RPS6KA2: variants seen among roughly 807,000 people sequenced by gnomAD.
The protein encoded by RPS6KA2 is ribosomal protein S6 kinase alpha-2.
A neutral mutation model predicts 91.8 loss-of-function variants in RPS6KA2; 42 were observed. That is an observed-to-expected ratio of 0.46 (90% confidence interval 0.36 to 0.59). RPS6KA2 has a LOEUF of 0.59. RPS6KA2 is among the 20% of genes least tolerant of loss of function. RPS6KA2 has a pLI of 0.00. For synonymous variants in RPS6KA2, 414 were observed against 393.6 expected (o/e 1.05, Z -0.61); for missense variants, 798 against 978.5 (o/e 0.82, Z 2.46).
chr6:166,525,447 A>G (rs1022120523), intron 3 of RPS6KA2, among the ~76,000 whole-genome samples: 10 of 151,770 alleles, frequency 6.6e-5, no homozygotes, highest in Non-Finnish European at 1.3e-4. Flanking sequence ...TGAGCAGATG[A>G]CCTCCCTCGG....
In RPS6KA2 at chr6:166,662,536, T is replaced by C. The variant is rs1788190711; in HGVS notation, c.124-123752A>G. ...GAGTCTCTTAGCATTATGAGGGTTA[T>C]TTATGTTATGAACACCAGTTAGTTT... On this transcript the variant is annotated intron_variant, in intron 2 of 21. Transcript: ENST00000503859. The surrounding 1 kb of genome is among the most constrained non-coding windows in gnomAD (Gnocchi z 4.3). 6.6e-6 allele frequency among the ~76,000 whole-genome samples: 1 copy of C among 152,190 alleles called. No homozygotes were observed. The highest frequency in any genetic ancestry group is 1.5e-5 in the Non-Finnish European group (1 of 68,038).
At chr6:166,469,567 C>T (rs1349181445) in intron 11 of RPS6KA2, among the ~76,000 whole-genome samples, 3 of 152,074 alleles carry the variant, frequency 2.0e-5, no homozygotes, top group Admixed American at 6.5e-5. Context: ...ACAGAAGCCT[C>T]GACTCTGATG....
At chr6:166,731,625 G>A (rs1353745715) in intron 2 of RPS6KA2, among the ~76,000 whole-genome samples, 1 of 151,930 alleles carries the variant, frequency 6.6e-6, no homozygotes, top group South Asian at 2.1e-4. Flanking sequence ...CACAGCCCCC[G>A]GCATCTCCTG....
intron 8 of RPS6KA2, among the ~76,000 whole-genome samples, chr6:166,496,534 A>T (rs1781794005): frequency 6.6e-6 from 1 of 151,700 alleles, no homozygotes; most frequent in Admixed American, 6.6e-5. Context: ...TTTGACTTAT[A>T]TGTGGTGTTT....
At chr6:166,862,267 C>G (rs1781064857) in exon 1 of RPS6KA2, 1 of 1,596,436 alleles carries the variant, frequency 6.3e-7, no homozygotes, top group Non-Finnish European at 8.5e-7. Flanking sequence ...GACGGGATGT[C>G]GGAAGCCAAG....
intron 1 of RPS6KA2, among the ~76,000 whole-genome samples, chr6:166,598,690 T>C (rs1562332773): frequency 6.6e-6 from 1 of 152,210 alleles, no homozygotes; most frequent in East Asian, 1.9e-4. Context: ...GCGTCAGGAA[T>C]AGGAAGCCTG....
rs145185630 is a variant in RPS6KA2 at position 166,718,724 on chromosome 6, G to A, written c.123+139476C>T. ...CCCGCTGGTGTAAGATAGCTGCCCC[G>A]CACATGTGCACAGAGGTGACATAAA... On this transcript the variant is annotated intron_variant, in intron 2 of 21. Coordinates refer to the RPS6KA2 transcript ENST00000503859. Among the ~76,000 whole-genome samples, 48 of 152,238 alleles carry A rather than the reference G, an allele frequency of 3.2e-4. No individual in the cohort carries two copies. In the East Asian group the frequency reaches 6.2e-3, roughly 20 times the overall value.
In RPS6KA2 at chr6:166,588,013, A is replaced by G. The variant is rs115413539; in HGVS notation, c.99+38908T>C. On this transcript the variant is annotated intron_variant, in intron 1 of 20. Transcript: ENST00000265678. Reference sequence around the variant, plus strand: ...AATGCAAAATATGCAGCATAAAATGAATGAAAATTGAGACCCCAGTGATGG... The same window carrying G: ...AATGCAAAATATGCAGCATAAAATGGATGAAAATTGAGACCCCAGTGATGG... 2.3e-3 allele frequency among the ~76,000 whole-genome samples: 343 copies of G among 152,332 alleles called. 1 individual carries two copies. Among genetic ancestry groups the G allele is most frequent in the African/African-American group, 8.0e-3 (332 of 41,558 alleles).
intron 2 of RPS6KA2, among the ~76,000 whole-genome samples, chr6:166,709,990 C>T (rs1325628162): frequency 2.0e-5 from 3 of 152,168 alleles, no homozygotes; most frequent in Admixed American, 6.5e-5. Flanking sequence ...ATTCTATTAT[C>T]GAACCAGAAT....
Position 166,770,894 on chromosome 6 carries a change from G to T in RPS6KA2, c.123+87306C>A, listed in dbSNP as rs1176598736. On this transcript the variant is annotated intron_variant, in intron 2 of 21. Coordinates refer to the RPS6KA2 transcript ENST00000503859. This position sits in a 1 kb window ranked among gnomAD's most constrained non-coding sequence, Gnocchi z 5.1. Reference sequence around the variant, plus strand: ...GGATCCAGCTACCTTTGTCTTGCAGGCAGCTGAGTCACTTTTGCCCTGTGA... The same window carrying T: ...GGATCCAGCTACCTTTGTCTTGCAGTCAGCTGAGTCACTTTTGCCCTGTGA... 1.3e-6 allele frequency: 2 copies of T among 1,597,412 alleles called. No homozygotes were observed. Among genetic ancestry groups the T allele is most frequent in the East Asian group, 2.2e-5 (1 of 44,888 alleles).
intron 1 of RPS6KA2, among the ~76,000 whole-genome samples, chr6:166,618,688 G>A (rs1040403261): frequency 1.3e-5 from 2 of 152,324 alleles, no homozygotes; most frequent in East Asian, 1.9e-4. Flanking sequence ...CATCACCTCC[G>A]TTACATCCAA....
intron 10 of RPS6KA2, among the ~76,000 whole-genome samples, chr6:166,482,008 A>G (rs926804336): frequency 6.6e-6 from 1 of 151,338 alleles, no homozygotes; most frequent in African/African-American, 2.4e-5. Context: ...GATCGATCTT[A>G]AAGTATGTGC....
chr6:166,610,992 C>G (rs2128532988), intron 1 of RPS6KA2, among the ~76,000 whole-genome samples: 1 of 152,148 alleles, frequency 6.6e-6, no homozygotes, highest in African/African-American at 2.4e-5. Flanking sequence ...AGAAAAAGAA[C>G]AAAAGTATCC....
chr6:166,510,556 TATATATATA>T (rs1782434075), intron 3 of RPS6KA2, among the ~76,000 whole-genome samples, 199 bp from the exon 4 acceptor site: 1 of 5,636 alleles, frequency 1.8e-4, no homozygotes, highest in Non-Finnish European at 5.3e-4. Flanking sequence ...CTCTCTCTCA[TATATATATA>T]TATATATATA....
In RPS6KA2 at chr6:166,467,621, G is replaced by C. The variant is rs370910104; in HGVS notation, c.972+2220C>G. ...CCAGACCAGCTGGAGCCAGTGCTTG[G>C]GGGGAACCTGTTCCATGGAGGCATG... On this transcript the variant is annotated intron_variant, in intron 11 of 20. Coordinates refer to ENST00000265678, the MANE Select transcript of RPS6KA2 (RefSeq NM_021135.6). 2.3e-3 allele frequency among the ~76,000 whole-genome samples: 344 copies of C among 152,298 alleles called. 3 individuals carry two copies. The highest frequency in any genetic ancestry group is 7.7e-3 in the African/African-American group (322 of 41,552).
chr6:166,649,955 A>G (rs1286900286), intron 2 of RPS6KA2, among the ~76,000 whole-genome samples: 1 of 152,170 alleles, frequency 6.6e-6, no homozygotes, highest in Non-Finnish European at 1.5e-5. Flanking sequence ...GTAGTGGGTC[A>G]TTGCGGAGGG....
intron 2 of RPS6KA2, among the ~76,000 whole-genome samples, chr6:166,789,930 C>T (rs113306909): frequency 6.6e-6 from 1 of 152,098 alleles, no homozygotes; most frequent in African/African-American, 2.4e-5. Context: ...GAGCAGAAAA[C>T]TGGAAACTCT....
intron 14 of RPS6KA2, among the ~76,000 whole-genome samples, chr6:166,436,921 G>A (rs1358193196): frequency 6.6e-6 from 1 of 152,158 alleles, no homozygotes; most frequent in Non-Finnish European, 1.5e-5. Flanking sequence ...TCCAAATCAA[G>A]CCAAGGCTCT....
chr6:166,450,983 T>C, intron 13 of RPS6KA2, 120 bp downstream of exon 13: 1 of 1,195,248 alleles, frequency 8.4e-7, no homozygotes, highest in Non-Finnish European at 1.2e-6. Context: ...GAATTGGTGA[T>C]TAAAGTCCAC....
Sources: allele counts gnomAD v4.1 joint callset (sites outside exome capture counted in the v4.1 genomes callset), GRCh38; gene constraint gnomAD v4.1.1; non-coding constraint Gnocchi (gnomAD v3.1); transcripts MANE v1.5; gene names NCBI Gene and HGNC (gene_info 2026-07-23, HGNC 2026-07-21).